OGG1: variants seen among roughly 807,000 people sequenced by gnomAD.
OGG1 encodes the protein N-glycosylase/DNA lyase.
In OGG1, 35 loss-of-function variants were observed where a neutral mutation model predicts 42.3. That is an observed-to-expected ratio of 0.83 (90% CI 0.63 to 1.10). The LOEUF (loss-of-function observed/expected upper bound fraction) is 1.10. Ranked by LOEUF, OGG1 falls within the 50% of genes least tolerant of loss-of-function variation. The pLI is 0.00. For synonymous variants in OGG1, 189 were observed against 179.0 expected, an observed-to-expected ratio of 1.06 and a Z score of -0.44; for missense variants, 484 against 446.7, an observed-to-expected ratio of 1.08 and a Z score of -0.75.
intron 3 of OGG1, chr3:9,787,063 C>G (rs143019380): frequency 6.2e-7 from 1 of 1,614,114 alleles, no homozygotes; most frequent in Non-Finnish European, 8.5e-7. Flanking sequence ...ATCCATCTTC[C>G]GGCTGTTCAT....
intron 2 of OGG1, among the ~76,000 whole-genome samples, chr3:9,775,722 C>G (rs1466719703): frequency 6.6e-6 from 1 of 152,000 alleles, no homozygotes; most frequent in East Asian, 1.9e-4. Flanking sequence ...TCACTGTAAC[C>G]TCCACCTTCC....
At position 9,784,307 on chromosome 3, in the gene OGG1, C is replaced by G. The variant is rs1191252382; in HGVS notation, c.382+2707C>G. The G allele has an allele frequency of 2.7e-6, 4 of 1,462,780 alleles. No individual in the cohort carries two copies. In the African/African-American group the frequency reaches 5.7e-5, roughly 21 times the overall value. 90.6% of individuals were successfully genotyped at this position (1,462,780 alleles called of 1,614,324 possible). A position where few individuals can be genotyped will look rare whatever the true frequency, so the allele number is the denominator to read the frequency against. On this transcript the variant is annotated intron_variant, in intron 3 of 3. Transcript: ENST00000426518. ...AGGGCTTCCCAAGGTCAGTGAAAACCTGCCTTTCCCTTTGGGCACCCCCTC... is the reference window on the plus strand; with the variant it reads ...AGGGCTTCCCAAGGTCAGTGAAAACGTGCCTTTCCCTTTGGGCACCCCCTC...
intron 2 of OGG1, among the ~76,000 whole-genome samples, chr3:9,776,546 C>T (rs1171478734): frequency 1.3e-5 from 2 of 151,982 alleles, no homozygotes; most frequent in Non-Finnish European, 2.9e-5. Context: ...CCCGCCACCA[C>T]GCCCGGCTAA....
At chr3:9,762,016 T>C (rs887016273), downstream of OGG1, 5 of 395,922 alleles carry the variant, frequency 1.3e-5, no homozygotes, top group Non-Finnish European at 2.3e-5. Flanking sequence ...TTTGAATGCC[T>C]ATTTTATGCC....
intron 7 of OGG1, chr3:9,763,306 T>C: frequency 1.3e-6 from 2 of 1,520,708 alleles, no homozygotes; most frequent in Non-Finnish European, 1.8e-6. Context: ...GGCAGGAGGA[T>C]CACTTGGCCC....
intron 2 of OGG1, chr3:9,780,329 G>C: frequency 6.3e-7 from 1 of 1,592,620 alleles, no homozygotes; most frequent in East Asian, 2.2e-5. Flanking sequence ...CCCTAGGCCA[G>C]ATAATCAGCC....
downstream of OGG1, among the ~76,000 whole-genome samples, chr3:9,767,046 G>A (rs2078174750): frequency 1.3e-5 from 2 of 151,992 alleles, no homozygotes; most frequent in African/African-American, 4.8e-5. Flanking sequence ...TCTCCACATA[G>A]AACCATGCCT....
downstream of OGG1, chr3:9,757,818 C>G: frequency 6.2e-7 from 1 of 1,611,184 alleles, no homozygotes; most frequent in Non-Finnish European, 8.5e-7. This position sits in a 1 kb window ranked among gnomAD's most constrained non-coding sequence, Gnocchi z 4.5. Flanking sequence ...CCTCATGTGC[C>G]GCACCACAGC....
intron 3 of OGG1, chr3:9,752,187 C>T (rs2077333029): frequency 3.4e-6 from 2 of 580,684 alleles, no homozygotes; most frequent in South Asian, 4.0e-5. Context: ...AGAAAAATAT[C>T]TGTATACAAT....
At chr3:9,761,772 G>A, downstream of OGG1, 4 of 1,613,826 alleles carry the variant, frequency 2.5e-6, no homozygotes, top group African/African-American at 2.7e-5. Flanking sequence ...AAGGGCAGGA[G>A]GGAAGAGAAG....
chr3:9,783,117 GTTAA>G (rs1372055672), intron 3 of OGG1: 1 of 152,150 alleles, frequency 6.6e-6, no homozygotes, highest in African/African-American at 2.4e-5. Flanking sequence ...AATGTTAACA[GTTAA>G]TTAGTCTAGG....
At position 9,787,188 on chromosome 3, in the gene OGG1, G is replaced by A. The variant is rs759286060; in HGVS notation, c.383-540G>A. 7 of 1,614,204 alleles carry A rather than the reference G, an allele frequency of 4.3e-6. No homozygotes were observed. The East Asian group carries it at 6.7e-5, about 15-fold the overall frequency. On this transcript the variant is annotated intron_variant, in intron 3 of 3. Coordinates refer to the OGG1 transcript ENST00000426518. ...CCTGACCTGGGGTTGGCAGGGAGGT[G>A]AGAGGCCTACCTTTAGTGTCCAGTT... is the stretch of plus-strand genomic sequence containing the variant.
downstream of OGG1, among the ~76,000 whole-genome samples, chr3:9,790,463 G>A (rs909419105): frequency 1.3e-5 from 2 of 152,124 alleles, no homozygotes; most frequent in African/African-American, 2.4e-5. Flanking sequence ...CAGCTCCAAC[G>A]TGCACCCAAT....
At chr3:9,788,703 C>A (rs2078673322), downstream of OGG1, among the ~76,000 whole-genome samples, 1 of 151,844 alleles carries the variant, frequency 6.6e-6, no homozygotes, top group Non-Finnish European at 1.5e-5. Flanking sequence ...CCGTGCCAGG[C>A]TAATTTTTGT....
intron 3 of OGG1, chr3:9,784,354 G>T (rs1017391124): frequency 8.9e-7 from 1 of 1,121,516 alleles, no homozygotes; most frequent in Non-Finnish European, 1.2e-6. Context: ...AGATACAAAG[G>T]GAGGGACAGA....
downstream of OGG1, chr3:9,761,491 C>T: frequency 3.7e-6 from 6 of 1,613,298 alleles, no homozygotes; most frequent in Non-Finnish European, 5.1e-6. Flanking sequence ...TATGGACCAG[C>T]AATCCACAGC....
intron 1 of OGG1, chr3:9,750,680 C>T: frequency 1.4e-6 from 1 of 691,854 alleles, no homozygotes; most frequent in Non-Finnish European, 2.4e-6. Flanking sequence ...CGCTCTGTTG[C>T]CCAGGTAGGA....
At position 9,756,531 on chromosome 3, in the gene OGG1, C is replaced by T; in HGVS notation, c.808C>T (p.His270Tyr). ...DKPQAVPVDV[H>Y]MWHIAQRDYS... ...GCCCCAGGCTGTGCCCGTGGATGTC[C>T]ATATGTGGCACATTGCCCAACGTGA... The change falls in exon 5 of 7, where the codon CAT becomes TAT. Residue 270 changes from histidine to tyrosine, a missense_variant. His to Tyr is a moderately conservative substitution (Grantham distance 83). Transcript: ENST00000344629. 1 of 1,614,174 alleles carries T rather than the reference C, an allele frequency of 6.2e-7. No individual in the cohort carries two copies. Among genetic ancestry groups the T allele is most frequent in the Admixed American group, 1.7e-5 (1 of 60,022 alleles).
At chr3:9,789,561 C>T (rs149462962), downstream of OGG1, 28 of 1,614,028 alleles carry the variant, frequency 1.7e-5, no homozygotes, top group African/African-American at 2.0e-4. Context: ...CTCAAGTGTG[C>T]GGACCTCCTC....
Sources: gnomAD v4.1 joint callset for allele counts (sites outside exome capture counted in the v4.1 genomes callset) on GRCh38, gnomAD v4.1.1 for gene constraint, Gnocchi (gnomAD v3.1) non-coding constraint, MANE v1.5 for transcripts, NCBI Gene and HGNC (gene_info 2026-07-23, HGNC 2026-07-21) for gene names.